The following EVI5L variants were observed in gnomAD, a reference collection of about 807,000 sequenced individuals.
The protein encoded by EVI5L is EVI5-like protein.
In EVI5L, 30 loss-of-function variants were observed where a neutral mutation model predicts 106.1. That is an observed-to-expected ratio of 0.28 (90% CI 0.21 to 0.38). EVI5L has a LOEUF of 0.38. EVI5L is among the 10% of genes least tolerant of loss of function. The probability of loss-of-function intolerance (pLI) is 1.00; values close to 1 mark genes in which losing one functional copy is unlikely to be tolerated. For synonymous variants in EVI5L, 489 were observed against 483.3 expected, an observed-to-expected ratio of 1.01 and a Z score of -0.15; for missense variants, 809 against 1,098.0, an observed-to-expected ratio of 0.74 and a Z score of 3.72.
intron 5 of EVI5L, 71 bp from the exon 6 acceptor site, chr19:7,849,926 C>T: frequency 7.6e-7 from 1 of 1,316,218 alleles, no homozygotes; most frequent in Non-Finnish European, 1.1e-6. Flanking sequence ...TACCCCAGGG[C>T]CCTGATGAGC....
chr19:7,856,143 T>C lies in EVI5L; in HGVS notation c.1200+75T>C. 1 of 1,263,868 alleles carries C rather than the reference T, an allele frequency of 7.9e-7. No homozygotes were observed. Among genetic ancestry groups the C allele is most frequent in the African/African-American group, 1.5e-5 (1 of 65,478 alleles). The allele number at this position is 1,263,868 out of a possible 1,614,324, so 78.3% of individuals were successfully genotyped here. On this transcript the variant is annotated intron_variant, in intron 11 of 19. Coordinates refer to ENST00000538904, the MANE Select transcript of EVI5L (RefSeq NM_001159944.3). This position sits in a 1 kb window ranked among gnomAD's most constrained non-coding sequence, Gnocchi z 6.6. ...ACCATGCGGGGCATGGCCGCTAACC[T>C]GGGGTGGACTCCTCCAAGTCTTCTC...
chr19:7,832,604 G>A (rs1270291866), intron 1 of EVI5L, among the ~76,000 whole-genome samples: 1 of 152,148 alleles, frequency 6.6e-6, no homozygotes, highest in Admixed American at 6.5e-5. Context: ...GGTCTCGGAG[G>A]GGAGTCCTAT....
At chr19:7,842,825 G>A (rs1294356069) in intron 1 of EVI5L, among the ~76,000 whole-genome samples, 3 of 151,518 alleles carry the variant, frequency 2.0e-5, no homozygotes, top group Non-Finnish European at 4.4e-5. Context: ...GCACATGTGT[G>A]TGTGAAGGTA....
intron 1 of EVI5L, among the ~76,000 whole-genome samples, chr19:7,836,990 G>A (rs929921295): frequency 2.9e-4 from 44 of 151,956 alleles, no homozygotes; most frequent in African/African-American, 1.1e-3. Flanking sequence ...CTGTGGCCAG[G>A]AGTTCAAGAC....
chr19:7,857,503 C>A lies in EVI5L; in HGVS notation c.1233+379C>A. 2.6e-6 allele frequency: 1 copy of A among 381,312 alleles called. No individual in the cohort carries two copies. The highest frequency in any genetic ancestry group is 4.9e-6 in the Non-Finnish European group (1 of 204,542). 23.6% of individuals were successfully genotyped at this position (381,312 alleles called of 1,614,324 possible). A position where few individuals can be genotyped will look rare whatever the true frequency, so the allele number is the denominator to read the frequency against. On this transcript the variant is annotated intron_variant, in intron 12 of 19. Transcript: ENST00000538904. This position sits in a 1 kb window ranked among gnomAD's most constrained non-coding sequence, Gnocchi z 4.5. ...CACACACAACACATGCACACACACA[C>A]ACGCACACACACGCCCGGCCCTCAC... is the stretch of plus-strand genomic sequence containing the variant.
At chr19:7,840,470 C>G (rs570877260) in intron 1 of EVI5L, among the ~76,000 whole-genome samples, 1 of 152,238 alleles carries the variant, frequency 6.6e-6, no homozygotes, top group Non-Finnish European at 1.5e-5. Flanking sequence ...AAGAGCAAAA[C>G]TCCATCTCAA....
rs1225258028 is a variant in EVI5L at position 7,845,336 on chromosome 19, C to T, written c.-47-1160C>T. On this transcript the variant is annotated intron_variant, in intron 1 of 19. Coordinates refer to ENST00000538904, the MANE Select transcript of EVI5L (RefSeq NM_001159944.3). The surrounding 1 kb of genome is among the most constrained non-coding windows in gnomAD (Gnocchi z 4.0). Reference sequence around the variant, plus strand: ...CATGAAGGAACACCATCCCCAGCCGCTGCCTCCACTCCCATAGCCGTCCCT... The same window carrying T: ...CATGAAGGAACACCATCCCCAGCCGTTGCCTCCACTCCCATAGCCGTCCCT... Among the ~76,000 whole-genome samples, 3 of 152,142 alleles carry T rather than the reference C, an allele frequency of 2.0e-5. No individual in the cohort carries two copies. Among genetic ancestry groups the T allele is most frequent in the Non-Finnish European group, 2.9e-5 (2 of 67,982 alleles).
chr19:7,847,634 C>G lies in EVI5L; in HGVS notation c.138-98C>G, dbSNP rs1979017430. 5 of 1,297,840 alleles carry G rather than the reference C, an allele frequency of 3.9e-6. No homozygotes were observed. The South Asian group carries it at 6.6e-5, about 17-fold the overall frequency. The allele number at this position is 1,297,840 out of a possible 1,614,324, so 80.4% of individuals were successfully genotyped here. A position where few individuals can be genotyped will look rare whatever the true frequency, so the allele number is the denominator to read the frequency against. The stretch of plus-strand genomic sequence containing the variant: ...CAAGAGGGACCTAATCCCTGGTGTC[C>G]TCTAAGACCCCCAGGAGGGGGAGGA... On this transcript the variant is annotated intron_variant, in intron 2 of 19. Transcript: ENST00000538904.
At position 7,863,751 on chromosome 19, in the gene EVI5L, G is replaced by A. The variant is rs746284773; in HGVS notation, c.*49G>A. The A allele has an allele frequency of 4.6e-5, 65 of 1,424,568 alleles. No homozygotes were observed. The highest frequency in any genetic ancestry group is 1.4e-4 in the Admixed American group (5 of 34,854). 88.2% of individuals were successfully genotyped at this position (1,424,568 alleles called of 1,614,324 possible). On this transcript the variant is annotated 3_prime_UTR_variant, in exon 20 of 20. Transcript: ENST00000538904. The surrounding 1 kb of genome is among the most constrained non-coding windows in gnomAD (Gnocchi z 7.7). ...TCAGGAGGCCGCAGCCGCGGGGGGCGCCCGGGCAGTCCGCGTTCTGCTCCC... is the reference window on the plus strand; with the variant it reads ...TCAGGAGGCCGCAGCCGCGGGGGGCACCCGGGCAGTCCGCGTTCTGCTCCC...
chr19:7,842,131 T>G (rs1363054177), intron 1 of EVI5L, among the ~76,000 whole-genome samples: 1 of 152,090 alleles, frequency 6.6e-6, no homozygotes, highest in Non-Finnish European at 1.5e-5. Flanking sequence ...AGTGTGTGAA[T>G]GTATGTCATG....
Position 7,861,912 on chromosome 19 carries a change from C to T in EVI5L, c.1538C>T (p.Ala513Val), listed in dbSNP as rs560595596. ...TCGCTGCCCGACGAGAACAATGTGGCGCAGCTGCAGGAGGAGCTGAAGGCG... is the reference window on the plus strand; with the variant it reads ...TCGCTGCCCGACGAGAACAATGTGGTGCAGCTGCAGGAGGAGCTGAAGGCG... Reference protein sequence around the residue: ...NSSLPDENNVAQLQEELKALK... With the variant: ...NSSLPDENNVVQLQEELKALK... Residue 513 changes from alanine to valine, a missense_variant, in exon 15 of 20, where the codon GCG becomes GTG. Physicochemically the swap from Ala to Val is moderately conservative, Grantham distance 64 (BLOSUM62 0). Around this residue, in one of 2 missense-constraint regions of EVI5L, gnomAD observed 452 missense variants for 509.9 expected, o/e 0.89. Coordinates refer to ENST00000538904, the MANE Select transcript of EVI5L (RefSeq NM_001159944.3). The T allele has an allele frequency of 1.6e-4, 244 of 1,550,698 alleles. No individual in the cohort carries two copies. The highest frequency in any genetic ancestry group is 1.1e-4 in the Non-Finnish European group (124 of 1,147,308).
rs1406865595 is a variant in EVI5L at position 7,848,218 on chromosome 19, C to T, written c.327+297C>T. Among the ~76,000 whole-genome samples, 1 of 152,094 alleles carries T rather than the reference C, an allele frequency of 6.6e-6. No homozygotes were observed. Among genetic ancestry groups the T allele is most frequent in the Non-Finnish European group, 1.5e-5 (1 of 68,022 alleles). On this transcript the variant is annotated intron_variant, in intron 3 of 19. Coordinates refer to ENST00000538904, the MANE Select transcript of EVI5L (RefSeq NM_001159944.3). This position sits in a 1 kb window ranked among gnomAD's most constrained non-coding sequence, Gnocchi z 4.8. ...CTGGAATCTCAGCACTTTGGGCGGC[C>T]AAGGTGGGAGGATCGCTTGAGGCCA...
At chr19:7,841,989 C>A (rs1978621861) in intron 1 of EVI5L, among the ~76,000 whole-genome samples, 2 of 152,098 alleles carry the variant, frequency 1.3e-5, no homozygotes, top group African/African-American at 4.8e-5. Flanking sequence ...CTGCTCGGTG[C>A]AGGAAGTGTG....
intron 1 of EVI5L, among the ~76,000 whole-genome samples, chr19:7,844,832 CT>C (rs1978879564): frequency 6.6e-6 from 1 of 152,182 alleles, no homozygotes; most frequent in Non-Finnish European, 1.5e-5. Flanking sequence ...CCACAGAGGC[CT>C]GGAGAAAGAG....
At chr19:7,834,084 C>T (rs1342308501) in intron 1 of EVI5L, among the ~76,000 whole-genome samples, 1 of 152,182 alleles carries the variant, frequency 6.6e-6, no homozygotes, top group African/African-American at 2.4e-5. Flanking sequence ...CGGTGGCTCA[C>T]GCCTGTAATC....
At chr19:7,849,428 C>T (rs1317069439) in intron 5 of EVI5L, 98 bp downstream of exon 5, 9 of 1,322,572 alleles carry the variant, frequency 6.8e-6, no homozygotes, top group Non-Finnish European at 9.5e-6. Flanking sequence ...CTCCACCCAG[C>T]GTCTTGCTAG....
intron 1 of EVI5L, among the ~76,000 whole-genome samples, chr19:7,840,135 A>T (rs921818379): frequency 6.6e-6 from 1 of 152,198 alleles, no homozygotes; most frequent in South Asian, 2.1e-4. Flanking sequence ...TCAGGAAAGC[A>T]TTGAATTTGA....
intron 1 of EVI5L, among the ~76,000 whole-genome samples, chr19:7,844,347 A>AAG (rs1555692440): frequency 3.8e-4 from 54 of 140,900 alleles, no homozygotes; most frequent in Middle Eastern, 7.3e-3. Context: ...AAAAAAAAAA[A>AAG]AAAGAAAGAA....
chr19:7,850,537 C>A lies in EVI5L; in HGVS notation c.753+415C>A, dbSNP rs144744620. Among the ~76,000 whole-genome samples the A allele has an allele frequency of 1.3e-5, 2 of 152,322 alleles. No individual in the cohort carries two copies. The highest frequency in any genetic ancestry group is 3.9e-4 in the East Asian group (2 of 5,174). On this transcript the variant is annotated intron_variant, in intron 6 of 19. Coordinates refer to ENST00000538904, the MANE Select transcript of EVI5L (RefSeq NM_001159944.3). The surrounding 1 kb of genome is among the most constrained non-coding windows in gnomAD (Gnocchi z 5.4). ...TTATAAATAGCAGCCCCCGCAGGGC[C>A]TGCTCCCGGCTGGCAGGCAGAGCCG...
Sources: allele counts gnomAD v4.1 joint callset (sites outside exome capture counted in the v4.1 genomes callset), GRCh38; gene constraint gnomAD v4.1.1; regional missense constraint gnomAD v4.1.1; non-coding constraint Gnocchi (gnomAD v3.1); transcripts MANE v1.5; gene names NCBI Gene and HGNC (gene_info 2026-07-23, HGNC 2026-07-21).